CASZ1: variants seen among roughly 807,000 people sequenced by gnomAD.
CASZ1 encodes castor zinc finger 1, also known as zinc finger protein castor homolog 1.
CASZ1 carries 28 observed loss-of-function variants against 135.2 expected under a neutral mutation model. That is an observed-to-expected ratio of 0.21 (90% CI 0.15 to 0.28). The LOEUF (loss-of-function observed/expected upper bound fraction) is 0.28. CASZ1 is among the 10% of genes least tolerant of loss of function. The probability of loss-of-function intolerance (pLI) is 1.00; values close to 1 mark genes in which losing one functional copy is unlikely to be tolerated. For synonymous variants in CASZ1, 1,068 were observed against 1,073.4 expected, an observed-to-expected ratio of 0.99 and a Z score of 0.10; for missense variants, 2,161 against 2,453.3, an observed-to-expected ratio of 0.88 and a Z score of 2.52.
chr1:10,742,032 C>T (rs904316182), intron 2 of CASZ1, among the ~76,000 whole-genome samples: 14 of 152,242 alleles, frequency 9.2e-5, no homozygotes, highest in South Asian at 2.1e-4. Flanking sequence ...TCGGTGGTTC[C>T]GAGACACACT....
rs1458019809 is a variant in CASZ1, at chr1:10,664,074, G to A, written c.505+1009C>T. ...GGTCACACTTTTCCTCATTGATCTC[G>A]CAATGTTTGTTAATTACTCTGTCAC... On this transcript the variant is annotated intron_variant, in intron 5 of 20. Coordinates refer to ENST00000377022, the MANE Select transcript of CASZ1 (RefSeq NM_001079843.3). Among the ~76,000 whole-genome samples, 5 of 152,342 alleles carry A rather than the reference G, an allele frequency of 3.3e-5. No individual in the cohort carries two copies. The East Asian group carries it at 5.8e-4, about 18-fold the overall frequency.
chr1:10,710,900 G>A (rs955036547), intron 2 of CASZ1, among the ~76,000 whole-genome samples: 3 of 152,270 alleles, frequency 2.0e-5, no homozygotes, highest in African/African-American at 7.2e-5. Context: ...GGAGGCCAAG[G>A]TGGGCAGATC....
intron 11 of CASZ1, 147 bp from the exon 12 acceptor site, chr1:10,651,223 C>T (rs1007005335): frequency 1.6e-5 from 8 of 504,726 alleles, no homozygotes; most frequent in African/African-American, 6.0e-5. Flanking sequence ...TGATCGCTCG[C>T]GACGCTCGCT....
Position 10,720,587 on chromosome 1 carries a change from C to G in CASZ1, c.-76-15043G>C, listed in dbSNP as rs538746714. Among the ~76,000 whole-genome samples the G allele has an allele frequency of 2.5e-4, 38 of 152,338 alleles. No individual in the cohort carries two copies. Among genetic ancestry groups the G allele is most frequent in the African/African-American group, 8.9e-4 (37 of 41,586 alleles). On this transcript the variant is annotated intron_variant, in intron 2 of 20. Coordinates refer to ENST00000377022, the MANE Select transcript of CASZ1 (RefSeq NM_001079843.3). This position sits in a 1 kb window ranked among gnomAD's most constrained non-coding sequence, Gnocchi z 5.7. ...ATTTGCCTATCAAAAACTGTACATT[C>G]GCTCGGCTTTCCACGGGACTCATGT...
intron 1 of CASZ1, among the ~76,000 whole-genome samples, chr1:10,793,363 G>A (rs191617439): frequency 2.6e-5 from 4 of 152,110 alleles, no homozygotes; most frequent in Non-Finnish European, 5.9e-5. Context: ...TAAGGCTCCC[G>A]GGCTGGGCTC....
At chr1:10,795,739 C>T (rs1484047735) in intron 1 of CASZ1, among the ~76,000 whole-genome samples, 2 of 151,450 alleles carry the variant, frequency 1.3e-5, no homozygotes, top group Admixed American at 1.3e-4. Context: ...GTGAGGAACG[C>T]CACTTGCCGC....
intron 2 of CASZ1, among the ~76,000 whole-genome samples, chr1:10,732,634 C>CTGGG (rs139550062): frequency 2.6e-3 from 401 of 152,238 alleles, no homozygotes; most frequent in African/African-American, 9.0e-3. Flanking sequence ...GATGGTGACC[C>CTGGG]TGGGATGCAG....
intron 8 of CASZ1, among the ~76,000 whole-genome samples, chr1:10,656,135 T>C (rs1302352389): frequency 2.0e-5 from 3 of 152,196 alleles, no homozygotes; most frequent in Non-Finnish European, 4.4e-5. Context: ...TCCCGCCCAG[T>C]GCACCTCTGG....
At chr1:10,688,849 C>T (rs1395696118) in intron 4 of CASZ1, among the ~76,000 whole-genome samples, 8 of 152,154 alleles carry the variant, frequency 5.3e-5, no homozygotes, top group Admixed American at 2.6e-4. Flanking sequence ...TGGGGCTGCC[C>T]GCCCTCCTCC....
chr1:10,669,303 C>T (rs1643334162), intron 4 of CASZ1, among the ~76,000 whole-genome samples: 1 of 152,222 alleles, frequency 6.6e-6, no homozygotes, highest in Non-Finnish European at 1.5e-5. Context: ...AATCCCAGGC[C>T]TCTCTGCGGG....
chr1:10,694,369 C>T lies in CASZ1; in HGVS notation c.-23-457G>A. The T allele has an allele frequency of 9.2e-7, 1 of 1,084,134 alleles. No homozygotes were observed. The highest frequency in any genetic ancestry group is 1.2e-6 in the Non-Finnish European group (1 of 858,992). The allele number at this position is 1,084,134 out of a possible 1,614,324, so 67.2% of individuals were successfully genotyped here. ...ATAATACTTAATTAATGCCTAATTG[C>T]AACTGATTACTCCCCGAATAACAAG... On this transcript the variant is annotated intron_variant, in intron 3 of 20. Transcript: ENST00000377022. The surrounding 1 kb of genome is among the most constrained non-coding windows in gnomAD (Gnocchi z 6.6).
chr1:10,653,114 C>T lies in CASZ1; in HGVS notation c.2680+263G>A, dbSNP rs374082773. ...AGTGGCCCCAGGGATGCAGGGCAGC[C>T]GAGGAGGCAGGGACCATCGCCCCCA... is the stretch of plus-strand genomic sequence containing the variant. On this transcript the variant is annotated intron_variant, in intron 11 of 20. Transcript: ENST00000377022. 2.8e-5 allele frequency: 15 copies of T among 540,368 alleles called. No individual in the cohort carries two copies. In the Middle Eastern group the frequency reaches 8.3e-4, roughly 30 times the overall value. 33.5% of individuals were successfully genotyped at this position (540,368 alleles called of 1,614,324 possible).
At chr1:10,653,042 T>G in intron 11 of CASZ1, 1 of 366,118 alleles carries the variant, frequency 2.7e-6, no homozygotes, top group Non-Finnish European at 5.2e-6. Flanking sequence ...CTTATCAGGG[T>G]GGACTTGGGA....
At chr1:10,682,025 C>A (rs770645370) in intron 4 of CASZ1, among the ~76,000 whole-genome samples, 1 of 152,152 alleles carries the variant, frequency 6.6e-6, no homozygotes, top group Non-Finnish European at 1.5e-5. Context: ...CAGTGAAGTG[C>A]GACTCTCTCC....
chr1:10,649,778 AG>A, intron 13 of CASZ1: 1 of 204,290 alleles, frequency 4.9e-6, no homozygotes, highest in Admixed American at 5.3e-5. Flanking sequence ...TTTTCCTGCC[AG>A]AAGGTTTTCA....
intron 1 of CASZ1, among the ~76,000 whole-genome samples, chr1:10,780,037 G>A (rs866937607): frequency 6.6e-6 from 1 of 152,116 alleles, no homozygotes; most frequent in Admixed American, 6.5e-5. Context: ...TGGCCCTTGT[G>A]CCCAGAGAGA....
Position 10,701,125 on chromosome 1 carries a change from A to C in CASZ1, c.-24+4367T>G, listed in dbSNP as rs1639051649. Among the ~76,000 whole-genome samples the C allele has an allele frequency of 6.6e-6, 1 of 152,160 alleles. No homozygotes were observed. The highest frequency in any genetic ancestry group is 1.5e-5 in the Non-Finnish European group (1 of 68,032). On this transcript the variant is annotated intron_variant, in intron 3 of 20. Transcript: ENST00000377022. This position sits in a 1 kb window ranked among gnomAD's most constrained non-coding sequence, Gnocchi z 6.3. ...AATATCTACTTGGGCCCCTGATGCCAGGGCCAGCAGGTTGTCAAGGAGCTG... is the reference window on the plus strand; with the variant it reads ...AATATCTACTTGGGCCCCTGATGCCCGGGCCAGCAGGTTGTCAAGGAGCTG...
chr1:10,658,444 G>C, intron 7 of CASZ1, 64 bp downstream of exon 7: 2 of 1,379,424 alleles, frequency 1.4e-6, no homozygotes, highest in Non-Finnish European at 1.0e-6. Flanking sequence ...AATGGCCTCA[G>C]AGTGCCCGGT....
In CASZ1 at chr1:10,724,604, G is replaced by A. The variant is rs1432761295; in HGVS notation, c.-76-19060C>T. On this transcript the variant is annotated intron_variant, in intron 2 of 20. Coordinates refer to ENST00000377022, the MANE Select transcript of CASZ1 (RefSeq NM_001079843.3). This position sits in a 1 kb window ranked among gnomAD's most constrained non-coding sequence, Gnocchi z 4.1. ...TCAGGGGTAGGGGCTCAGGGAGTGG[G>A]AGCAGAGAGTGTTAGAGGTTAGAGA... is the stretch of plus-strand genomic sequence containing the variant. Among the ~76,000 whole-genome samples, 1 of 152,174 alleles carries A rather than the reference G, an allele frequency of 6.6e-6. No homozygotes were observed. Among genetic ancestry groups the A allele is most frequent in the Non-Finnish European group, 1.5e-5 (1 of 68,022 alleles).
Sources: allele counts gnomAD v4.1 joint callset (sites outside exome capture counted in the v4.1 genomes callset), GRCh38; gene constraint gnomAD v4.1.1; non-coding constraint Gnocchi (gnomAD v3.1); transcripts MANE v1.5; gene names NCBI Gene and HGNC (gene_info 2026-07-23, HGNC 2026-07-21).